The following ERC2 variants were observed in gnomAD, a reference collection of about 807,000 sequenced individuals.
ERC2 encodes ERC protein 2.
ERC2 carries 42 observed loss-of-function variants against 114.8 expected under a neutral mutation model. That is an observed-to-expected ratio of 0.37 (90% CI 0.29 to 0.47). ERC2 has a LOEUF of 0.47. Among genes scored for constraint, ERC2 ranks in the 20% least tolerant of loss-of-function variants. ERC2 has a pLI of 0.99. For missense variants in ERC2, 939 were observed against 1,150.7 expected, an observed-to-expected ratio of 0.82 and a Z score of 2.66; for synonymous variants, 454 against 425.5, an observed-to-expected ratio of 1.07 and a Z score of -0.82.
chr3:56,170,967 G>A (rs867217062), intron 4 of ERC2, among the ~76,000 whole-genome samples: 26 of 151,776 alleles, frequency 1.7e-4, no homozygotes, highest in Admixed American at 3.9e-4. Context: ...GGGTTTCACC[G>A]TGTTAGTCAG....
intron 17 of ERC2, among the ~76,000 whole-genome samples, chr3:55,602,640 T>G (rs2058457487): frequency 6.6e-6 from 1 of 152,144 alleles, no homozygotes; most frequent in Non-Finnish European, 1.5e-5. Flanking sequence ...GGCAGAACCC[T>G]AGCTATTGTG....
chr3:56,089,603 T>C (rs1402786977), intron 6 of ERC2, among the ~76,000 whole-genome samples: 1 of 152,174 alleles, frequency 6.6e-6, no homozygotes, highest in Non-Finnish European at 1.5e-5. Flanking sequence ...TTAATACTTT[T>C]AGCACATCTC....
At chr3:55,733,534 TCTCTCTCTCACACACACACACA>T (rs2065421276) in intron 15 of ERC2, among the ~76,000 whole-genome samples, 5 of 55,468 alleles carry the variant, frequency 9.0e-5, no homozygotes, top group Admixed American at 1.8e-4. Flanking sequence ...TCATTCTTTC[TCTCTCTCTCACACACACACACA>T]CACACACACA....
intron 7 of ERC2, among the ~76,000 whole-genome samples, chr3:56,056,990 C>A (rs993455587): frequency 1.3e-5 from 2 of 152,110 alleles, no homozygotes; most frequent in East Asian, 3.9e-4. Flanking sequence ...GGGTAAGGAA[C>A]TTGTCTAACC....
Position 55,701,831 on chromosome 3 carries a change from G to C in ERC2, c.2713-2319C>G, listed in dbSNP as rs149689207. ...TACACCTAAAATTCCAGTATTGTCA[G>C]GATCCTGTACTTTTGAACTCATGAA... On this transcript the variant is annotated intron_variant, in intron 15 of 17. Transcript: ENST00000288221. Among the ~76,000 whole-genome samples the C allele has an allele frequency of 2.7e-3, 413 of 152,258 alleles. 2 individuals are homozygous for C. Among genetic ancestry groups the C allele is most frequent in the African/African-American group, 9.4e-3 (390 of 41,544 alleles).
In ERC2 at chr3:56,368,772, C is replaced by G. The variant is rs145730379; in HGVS notation, c.657+65579G>C. On this transcript the variant is annotated intron_variant, in intron 2 of 17. Transcript: ENST00000288221. ...GGTTAAGGCCCCCTTCCCACAACAT[C>G]GTCCTAAATAGCATCTTTATAATCT... Among the ~76,000 whole-genome samples the G allele has an allele frequency of 5.0e-3, 756 of 151,790 alleles. 7 individuals carry two copies. The highest frequency in any genetic ancestry group is 0.029 in the South Asian group (142 of 4,818).
At chr3:56,033,072 G>GAAAGAA (rs2074577167) in intron 7 of ERC2, among the ~76,000 whole-genome samples, 1 of 112,058 alleles carries the variant, frequency 8.9e-6, no homozygotes, top group Non-Finnish European at 2.1e-5. Flanking sequence ...AAGAAAGAAA[G>GAAAGAA]AAAGAAAGAA....
At chr3:56,181,752 T>C (rs889581711) in intron 3 of ERC2, among the ~76,000 whole-genome samples, 3 of 152,208 alleles carry the variant, frequency 2.0e-5, no homozygotes, top group Non-Finnish European at 2.9e-5. Flanking sequence ...AAAGAAATTA[T>C]GGCTTCTTTC....
chr3:55,765,781 C>T (rs956883097), intron 14 of ERC2, among the ~76,000 whole-genome samples: 3 of 152,188 alleles, frequency 2.0e-5, no homozygotes, highest in African/African-American at 4.8e-5. Flanking sequence ...ATCTTGTCCA[C>T]GTCTGTAACG....
intron 6 of ERC2, among the ~76,000 whole-genome samples, chr3:56,124,147 T>C (rs958004949): frequency 6.6e-6 from 1 of 152,212 alleles, no homozygotes; most frequent in African/African-American, 2.4e-5. Flanking sequence ...ATGCTGCTAT[T>C]ATTTTATTCT....
At chr3:56,318,252 T>C (rs2056961778) in intron 2 of ERC2, among the ~76,000 whole-genome samples, 3 of 152,216 alleles carry the variant, frequency 2.0e-5, no homozygotes, top group African/African-American at 7.2e-5. Context: ...AGTGGCATGA[T>C]CATGGCTCAC....
intron 3 of ERC2, 94 bp from the exon 4 acceptor site, chr3:56,173,614 G>C: frequency 8.6e-7 from 1 of 1,166,006 alleles, no homozygotes; most frequent in South Asian, 1.4e-5. Context: ...CTGGGTCCTG[G>C]TTCCCCTTGC....
At position 55,720,113 on chromosome 3, in the gene ERC2, T is replaced by C. The variant is rs1193099680; in HGVS notation, c.2712+14658A>G. On this transcript the variant is annotated intron_variant, in intron 15 of 17. Coordinates refer to ENST00000288221, the MANE Select transcript of ERC2 (RefSeq NM_015576.3). ...CCTCCCCCTCCCATCCCCCTCCTCCTCCTCCTCCTTCTTCTTCCTCTTCTT... is the reference window on the plus strand; with the variant it reads ...CCTCCCCCTCCCATCCCCCTCCTCCCCCTCCTCCTTCTTCTTCCTCTTCTT... 2.9e-3 allele frequency among the ~76,000 whole-genome samples: 117 copies of C among 40,166 alleles called. 55 individuals are homozygous for C. The highest frequency in any genetic ancestry group is 6.5e-3 in the East Asian group (6 of 926). 26.4% of individuals were successfully genotyped at this position (40,166 alleles called of 152,430 possible).
At chr3:56,073,841 T>C (rs1008519769) in intron 7 of ERC2, among the ~76,000 whole-genome samples, 1 of 152,136 alleles carries the variant, frequency 6.6e-6, no homozygotes, top group African/African-American at 2.4e-5. Context: ...CCTTTAAAAA[T>C]GAAGCAGTAA....
At chr3:55,843,070 A>G (rs1193530229) in intron 14 of ERC2, among the ~76,000 whole-genome samples, 2 of 152,190 alleles carry the variant, frequency 1.3e-5, no homozygotes, top group Non-Finnish European at 2.9e-5. Flanking sequence ...GGTATACAAC[A>G]AAACACTAAA....
chr3:55,696,806 G>T (rs2062956189), intron 16 of ERC2, among the ~76,000 whole-genome samples: 1 of 152,170 alleles, frequency 6.6e-6, no homozygotes, highest in Non-Finnish European at 1.5e-5. Flanking sequence ...ATCCAGCTCA[G>T]GAGATATAGC....
At chr3:56,128,024 T>C (rs1156371542) in intron 6 of ERC2, among the ~76,000 whole-genome samples, 1 of 151,772 alleles carries the variant, frequency 6.6e-6, no homozygotes. Context: ...TGCAGTGAGC[T>C]GAGATCGCCT....
chr3:56,138,306 C>T (rs1015840073), intron 6 of ERC2, among the ~76,000 whole-genome samples: 2 of 152,098 alleles, frequency 1.3e-5, no homozygotes, highest in South Asian at 2.1e-4. Context: ...GTGATCCACC[C>T]GCCTTGGCCT....
chr3:55,583,874 A>T (rs2057450258), intron 17 of ERC2, among the ~76,000 whole-genome samples: 1 of 70,404 alleles, frequency 1.4e-5, no homozygotes, highest in African/African-American at 4.7e-5. Context: ...GTCCAACCAC[A>T]TGCCAACTTG....
Sources: gnomAD v4.1 joint callset for allele counts (sites outside exome capture counted in the v4.1 genomes callset) on GRCh38, gnomAD v4.1.1 for gene constraint, MANE v1.5 for transcripts, NCBI Gene and HGNC (gene_info 2026-07-23, HGNC 2026-07-21) for gene names.